Variants in WWP1 observed in about 807,000 individuals in gnomAD.
WWP1 encodes WW domain containing E3 ubiquitin protein ligase 1, also known as NEDD4-like E3 ubiquitin-protein ligase WWP1.
In WWP1, 49 loss-of-function variants were observed where a neutral mutation model predicts 130.6. That is an observed-to-expected ratio of 0.38 (90% CI 0.30 to 0.48). The LOEUF (loss-of-function observed/expected upper bound fraction) is 0.48, where lower values mean the gene tolerates loss of function less well. Among genes scored for constraint, WWP1 ranks in the 20% least tolerant of loss-of-function variants. WWP1 has a pLI of 0.99. For synonymous variants in WWP1, 332 were observed against 367.8 expected (o/e 0.90, Z 1.11); for missense variants, 809 against 1,100.6 (o/e 0.74, Z 3.75).
In WWP1 at chr8:86,380,779, A is replaced by G. The variant is rs1171634621; in HGVS notation, c.124A>G (p.Thr42Ala). 1.2e-6 allele frequency: 2 copies of G among 1,613,218 alleles called. No individual in the cohort carries two copies. The highest frequency in any genetic ancestry group is 2.7e-5 in the African/African-American group (2 of 74,916). ...KKNWFGTAIY[T>A]EVVVDGEITK... The stretch of plus-strand genomic sequence containing the variant: ...GAACTGGTTCGGAACAGCAATATAT[A>G]CAGAAGTAGTTGTAGATGGAGAAAT... The change falls in exon 4 of 25, where the codon ACA becomes GCA. Residue 42 changes from threonine (T) to alanine (A), a missense_variant. Transcript: ENST00000517970.
At chr8:86,424,814 A>T (rs1443865513) in intron 9 of WWP1, among the ~76,000 whole-genome samples, 2 of 46,260 alleles carry the variant, frequency 4.3e-5, no homozygotes, top group African/African-American at 1.8e-4. Context: ...GGAGAGGGAG[A>T]CTGTGGGGAG....
intron 9 of WWP1, among the ~76,000 whole-genome samples, chr8:86,416,715 T>C (rs77402137): frequency 2.8e-4 from 43 of 152,296 alleles, no homozygotes; most frequent in African/African-American, 1.0e-3. Context: ...GTGGCAGTTA[T>C]AAATTAGAGT....
intron 1 of WWP1, among the ~76,000 whole-genome samples, chr8:86,349,392 G>A (rs980781002): frequency 6.6e-6 from 1 of 152,206 alleles, no homozygotes; most frequent in African/African-American, 2.4e-5. Context: ...ACTGGTTAAA[G>A]CAAGTCACAA....
At position 86,435,612 on chromosome 8, in the gene WWP1, TG is replaced by T; in HGVS notation, c.1678-20del. 6.2e-7 allele frequency: 1 copy of T among 1,612,470 alleles called. No individual in the cohort carries two copies. The highest frequency in any genetic ancestry group is 8.5e-7 in the Non-Finnish European group (1 of 1,178,826). ...ATATACTATAACTCAGATGATATTA[TG>T]ATATTATTTTTGTTTTTAGTCTAAT... On this transcript the variant is annotated intron_variant, in intron 15 of 24. Coordinates refer to ENST00000517970, the MANE Select transcript of WWP1 (RefSeq NM_007013.4).
chr8:86,448,503 G>C lies in WWP1; in HGVS notation c.2263G>C (p.Glu755Gln). 1 of 1,612,844 alleles carries C rather than the reference G, an allele frequency of 6.2e-7. No homozygotes were observed. The highest frequency in any genetic ancestry group is 8.5e-7 in the Non-Finnish European group (1 of 1,179,624). ...TCTGGTGACTGAGGAGAACAAAGATGAATATATTGGGTAAGGTGATATACC... is the reference window on the plus strand; with the variant it reads ...TCTGGTGACTGAGGAGAACAAAGATCAATATATTGGGTAAGGTGATATACC... The part of the protein sequence containing the change: ...NILVTEENKD[E>Q]YIGLMTEWRF... Residue 755 changes from glutamate (E) to glutamine (Q), a missense_variant, in exon 20 of 25, where the codon GAA becomes CAA. Glu to Gln is a conservative substitution (Grantham distance 29, BLOSUM62 2). Coordinates refer to ENST00000517970, the MANE Select transcript of WWP1 (RefSeq NM_007013.4).
chr8:86,376,384 C>G (rs1824654270), intron 3 of WWP1, among the ~76,000 whole-genome samples: 1 of 152,014 alleles, frequency 6.6e-6, no homozygotes, highest in Admixed American at 6.6e-5. Flanking sequence ...GCCTGGCCAA[C>G]ATGGTGAAAC....
At position 86,362,037 on chromosome 8, in the gene WWP1, CATAT is replaced by C. The variant is rs1346872476; in HGVS notation, c.-114-6896_-114-6893del. Among the ~76,000 whole-genome samples the C allele has an allele frequency of 4.4e-3, 438 of 98,484 alleles. 2 individuals are homozygous for C. Among genetic ancestry groups the C allele is most frequent in the African/African-American group, 0.013 (373 of 27,944 alleles). The allele number at this position is 98,484 out of a possible 152,430, so 64.6% of individuals were successfully genotyped here. ...ATATATACACATATATATACACACA[CATAT>C]ATATACACACATATATACACACATA... On this transcript the variant is annotated intron_variant, in intron 1 of 24. Transcript: ENST00000517970.
In WWP1 at chr8:86,363,012, C is replaced by T. The variant is rs7819020; in HGVS notation, c.-114-5927C>T. Among the ~76,000 whole-genome samples the T allele has an allele frequency of 9.9e-3, 1,505 of 152,160 alleles. 28 individuals carry two copies. The highest frequency in any genetic ancestry group is 0.035 in the African/African-American group (1,434 of 41,488). ...AATAATTTAGCATTTATATAGTACT[C>T]GATAATTCATAAAGTGCTTATATAA... On this transcript the variant is annotated intron_variant, in intron 1 of 24. Coordinates refer to ENST00000517970, the MANE Select transcript of WWP1 (RefSeq NM_007013.4).
intron 9 of WWP1, among the ~76,000 whole-genome samples, chr8:86,421,162 T>C (rs529438072): frequency 1.3e-5 from 2 of 152,346 alleles, no homozygotes; most frequent in East Asian, 1.9e-4. Flanking sequence ...CTGATTTTAG[T>C]GAAATGCTTT....
intron 4 of WWP1, among the ~76,000 whole-genome samples, 195 bp downstream of exon 4, chr8:86,381,059 T>A (rs529878593): frequency 1.3e-4 from 18 of 143,590 alleles, no homozygotes; most frequent in African/African-American, 4.2e-4. Context: ...TTGCTTTTGC[T>A]TTATAAACCA....
At chr8:86,463,365 G>A (rs1811868373) in intron 24 of WWP1, among the ~76,000 whole-genome samples, 2 of 152,028 alleles carry the variant, frequency 1.3e-5, no homozygotes, top group South Asian at 4.2e-4. Context: ...GGAGTGCAGT[G>A]GCACAATCTT....
At chr8:86,356,045 T>C (rs1210706002) in intron 1 of WWP1, among the ~76,000 whole-genome samples, 1 of 152,224 alleles carries the variant, frequency 6.6e-6, no homozygotes, top group Non-Finnish European at 1.5e-5. Flanking sequence ...ATGACTCTAA[T>C]GGATAATTGA....
At chr8:86,453,158 T>C (rs1259555261) in intron 21 of WWP1, among the ~76,000 whole-genome samples, 1 of 152,142 alleles carries the variant, frequency 6.6e-6, no homozygotes, top group Non-Finnish European at 1.5e-5. Flanking sequence ...AAATTTTTCA[T>C]CCTGCAAAAC....
intron 5 of WWP1, among the ~76,000 whole-genome samples, chr8:86,389,367 T>C (rs185706531): frequency 1.3e-5 from 2 of 152,232 alleles, no homozygotes; most frequent in Admixed American, 6.5e-5. Flanking sequence ...TCTTAACGAG[T>C]ATGCTGCCTT....
chr8:86,388,547 T>C (rs1417843163), intron 5 of WWP1, among the ~76,000 whole-genome samples: 1 of 152,240 alleles, frequency 6.6e-6, no homozygotes, highest in Non-Finnish European at 1.5e-5. Flanking sequence ...TGATATAATC[T>C]AATCATATTG....
chr8:86,462,887 A>G (rs1202831713), intron 24 of WWP1, among the ~76,000 whole-genome samples: 1 of 152,154 alleles, frequency 6.6e-6, no homozygotes, highest in Non-Finnish European at 1.5e-5. Context: ...AAGAAAAAAA[A>G]AAAAAAGAAA....
intron 9 of WWP1, among the ~76,000 whole-genome samples, chr8:86,420,095 A>G (rs1260799989): frequency 6.6e-6 from 1 of 152,178 alleles, no homozygotes; most frequent in African/African-American, 2.4e-5. Flanking sequence ...TGTTTTCCCA[A>G]AACTGGGTAG....
In WWP1 at chr8:86,411,548, A is replaced by T; in HGVS notation, c.735A>T (p.Glu245Asp). The stretch of plus-strand genomic sequence containing the variant: ...ATTTTCCCTTCTCAGTTAATGGAGA[A>T]TCATCCTCATTTGCACCAACTGATA... ...SEPADDTVNG[E>D]SSSFAPTDNA... The change falls in exon 9 of 25, where the codon GAA becomes GAT. Residue 245 changes from glutamate (E) to aspartate (D), a missense_variant. This residue lies in a region of WWP1 where 262 missense variants were observed against 346.0 expected (regional missense o/e 0.76). Coordinates refer to ENST00000517970, the MANE Select transcript of WWP1 (RefSeq NM_007013.4). 6.2e-7 allele frequency: 1 copy of T among 1,610,686 alleles called. No homozygotes were observed. The highest frequency in any genetic ancestry group is 8.5e-7 in the Non-Finnish European group (1 of 1,177,570).
chr8:86,351,647 G>A (rs921495055), intron 1 of WWP1, among the ~76,000 whole-genome samples: 3 of 151,866 alleles, frequency 2.0e-5, no homozygotes, highest in African/African-American at 7.3e-5. Context: ...CAAAAAAAAA[G>A]TTGCTAAAAG....
Sources: allele counts gnomAD v4.1 joint callset (sites outside exome capture counted in the v4.1 genomes callset), GRCh38; gene constraint gnomAD v4.1.1; regional missense constraint gnomAD v4.1.1; transcripts MANE v1.5; gene names NCBI Gene and HGNC (gene_info 2026-07-23, HGNC 2026-07-21).